Variants in NBAS observed in about 807,000 individuals in gnomAD.
The protein encoded by NBAS is NAG/BC035112 fusion.
NBAS carries 219 observed loss-of-function variants against 302.5 expected under a neutral mutation model. That is an observed-to-expected ratio of 0.72 (90% CI 0.65 to 0.81). The LOEUF is 0.81. Ranked by LOEUF, NBAS falls within the 30% of genes least tolerant of loss-of-function variation. The pLI, the probability that NBAS is intolerant of heterozygous loss-of-function variation, is 0.00. For synonymous variants in NBAS, 1,118 were observed against 1,021.6 expected (o/e 1.09, Z -1.80); for missense variants, 2,932 against 2,841.6 (o/e 1.03, Z -0.72).
intron 28 of NBAS, chr2:15,393,780 C>T (rs932416403): frequency 4.1e-5 from 19 of 466,716 alleles, no homozygotes; most frequent in African/African-American, 3.8e-4. Flanking sequence ...AAGAAATAAA[C>T]TACTGATTCA....
At chr2:15,394,164 A>G in intron 28 of NBAS, 63 bp downstream of exon 28, 1 of 1,493,928 alleles carries the variant, frequency 6.7e-7, no homozygotes, top group East Asian at 2.5e-5. Flanking sequence ...TCAGAAAAAG[A>G]GAAATACTTT....
At chr2:15,048,711 G>T in the NBAS span, among the ~76,000 whole-genome samples, 1 of 152,154 alleles carries the variant, frequency 6.6e-6, no homozygotes, top group East Asian at 1.9e-4. Context: ...CTGAGACTAC[G>T]CTCCCCACAA....
the NBAS span, among the ~76,000 whole-genome samples, chr2:14,948,596 T>A: frequency 0.065 from 9,823 of 151,468 alleles, 1,045 homozygotes; most frequent in African/African-American, 0.22. Flanking sequence ...AAGAGGATAT[T>A]AAAAAAATTG....
chr2:15,528,929 A>G (rs112055007), intron 9 of NBAS, among the ~76,000 whole-genome samples: 4 of 150,026 alleles, frequency 2.7e-5, no homozygotes, highest in African/African-American at 9.7e-5. Flanking sequence ...ACACACATAT[A>G]TATTTCCTAT....
intron 39 of NBAS, 91 bp downstream of exon 39, chr2:15,309,080 G>C (rs973338311): frequency 3.8e-6 from 3 of 793,832 alleles, no homozygotes; most frequent in African/African-American, 1.7e-5. Flanking sequence ...GGAGGAAATG[G>C]CATGCAATAA....
At chr2:14,899,728 C>A in the NBAS span, among the ~76,000 whole-genome samples, 2 of 144,020 alleles carry the variant, frequency 1.4e-5, no homozygotes, top group African/African-American at 5.5e-5. Flanking sequence ...CTTTAAAAAA[C>A]AAGGTCACAA....
the NBAS span, among the ~76,000 whole-genome samples, chr2:14,962,247 C>T: frequency 6.6e-6 from 1 of 152,146 alleles, no homozygotes; most frequent in Non-Finnish European, 1.5e-5. Context: ...CTGTCTGGGA[C>T]ATGGGAGATT....
chr2:15,311,320 C>T (rs1319527988), intron 38 of NBAS, among the ~76,000 whole-genome samples: 1 of 152,132 alleles, frequency 6.6e-6, no homozygotes, highest in African/African-American at 2.4e-5. Context: ...GGGTCTGAAG[C>T]AGTAAATAAG....
At chr2:15,034,294 AAG>A in the NBAS span, among the ~76,000 whole-genome samples, 19,507 of 111,796 alleles carry the variant, frequency 0.17, 1,986 homozygotes, top group Non-Finnish European at 0.2. Context: ...GAAAGAAAGA[AAG>A]AAAGAAAGAT....
the NBAS span, among the ~76,000 whole-genome samples, chr2:15,072,396 A>T: frequency 6.6e-6 from 1 of 152,212 alleles, no homozygotes; most frequent in Non-Finnish European, 1.5e-5. Flanking sequence ...ATTTTGACAT[A>T]TTAAGTACAT....
intron 35 of NBAS, among the ~76,000 whole-genome samples, chr2:15,349,758 G>A (rs748744430): frequency 5.9e-5 from 9 of 152,056 alleles, no homozygotes; most frequent in East Asian, 1.9e-4. Context: ...GTTCAAGACC[G>A]GCCTGGCCAA....
chr2:15,223,931 A>T (rs985055639), intron 47 of NBAS, among the ~76,000 whole-genome samples: 2 of 152,080 alleles, frequency 1.3e-5, no homozygotes, highest in Admixed American at 1.3e-4. Flanking sequence ...CCCTATAATG[A>T]GATTGGGGAG....
chr2:15,360,340 A>C (rs1165268773), intron 32 of NBAS, among the ~76,000 whole-genome samples: 3 of 119,526 alleles, frequency 2.5e-5, no homozygotes, highest in Non-Finnish European at 4.1e-5. Context: ...TAAAAAAAAA[A>C]AAAAAACAAA....
At chr2:15,381,233 A>G (rs1675020672) in intron 29 of NBAS, among the ~76,000 whole-genome samples, 1 of 150,724 alleles carries the variant, frequency 6.6e-6, no homozygotes, top group Non-Finnish European at 1.5e-5. Flanking sequence ...CAGGCTATAT[A>G]TAAATCTTTA....
the NBAS span, among the ~76,000 whole-genome samples, chr2:14,859,596 G>A: frequency 1.3e-5 from 2 of 151,934 alleles, no homozygotes; most frequent in Non-Finnish European, 2.9e-5. Context: ...AGGACAGTCC[G>A]TTCAATAAAT....
intron 44 of NBAS, among the ~76,000 whole-genome samples, chr2:15,270,096 T>C (rs1203665297): frequency 6.6e-6 from 1 of 152,248 alleles, no homozygotes; most frequent in Non-Finnish European, 1.5e-5. Flanking sequence ...GGAGATATAG[T>C]TGTTTTTCAT....
the NBAS span, among the ~76,000 whole-genome samples, chr2:14,848,342 T>A: frequency 7.0e-6 from 1 of 142,974 alleles, no homozygotes; most frequent in East Asian, 1.9e-4. Flanking sequence ...ATCGGGTCAC[T>A]CCCACCCGAA....
intron 12 of NBAS, among the ~76,000 whole-genome samples, chr2:15,482,333 T>A (rs1680463160): frequency 6.6e-6 from 1 of 152,022 alleles, no homozygotes; most frequent in South Asian, 2.1e-4. Context: ...CCCAGCCTGG[T>A]CCCGAACTCC....
chr2:15,456,859 T>C (rs532908117), intron 21 of NBAS, among the ~76,000 whole-genome samples: 115 of 151,706 alleles, frequency 7.6e-4, no homozygotes, highest in African/African-American at 2.6e-3. Flanking sequence ...TCAGATAAAG[T>C]AGAGAAGACA....
Sources: gnomAD v4.1 joint callset for allele counts (sites outside exome capture counted in the v4.1 genomes callset) on GRCh38, gnomAD v4.1.1 for gene constraint, MANE v1.5 for transcripts, NCBI Gene and HGNC (gene_info 2026-07-23, HGNC 2026-07-21) for gene names.